SYN3: variants seen among roughly 807,000 people sequenced by gnomAD.
The protein encoded by SYN3 is synapsin III.
SYN3 carries 35 observed loss-of-function variants against 65.8 expected under a neutral mutation model. The ratio of observed to expected loss-of-function variants is 0.53; its 90% CI spans 0.41 to 0.70. The LOEUF (loss-of-function observed/expected upper bound fraction) is 0.70. SYN3 is among the 30% of genes least tolerant of loss of function. The pLI is 0.00. For synonymous variants in SYN3, 270 were observed against 292.9 expected (o/e 0.92, Z 0.80); for missense variants, 680 against 749.0 (o/e 0.91, Z 1.08).
At chr22:32,914,540 C>A (rs2050139747) in intron 4 of SYN3, among the ~76,000 whole-genome samples, 1 of 151,800 alleles carries the variant, frequency 6.6e-6, no homozygotes, top group African/African-American at 2.4e-5. Context: ...CAGGTTCGTG[C>A]CATTCTCCTG....
At chr22:32,726,748 G>A (rs962663884) in intron 6 of SYN3, among the ~76,000 whole-genome samples, 1 of 152,174 alleles carries the variant, frequency 6.6e-6, no homozygotes, top group Non-Finnish European at 1.5e-5. Flanking sequence ...AAGGCCAGGA[G>A]GGCATTAGAG....
intron 7 of SYN3, among the ~76,000 whole-genome samples, chr22:32,561,449 G>A (rs1280975285): frequency 6.6e-6 from 1 of 152,162 alleles, no homozygotes; most frequent in Non-Finnish European, 1.5e-5. Context: ...CTGCAGAGAA[G>A]GTATTTTTGC....
At chr22:33,049,435 T>C (rs1192992653) in intron 1 of SYN3, among the ~76,000 whole-genome samples, 1 of 152,214 alleles carries the variant, frequency 6.6e-6, no homozygotes, top group African/African-American at 2.4e-5. Flanking sequence ...TAACTCCTCT[T>C]TCCTATGATA....
intron 1 of SYN3, among the ~76,000 whole-genome samples, chr22:33,008,649 C>T (rs1482279166): frequency 6.6e-6 from 1 of 152,116 alleles, no homozygotes; most frequent in East Asian, 1.9e-4. Flanking sequence ...CATGGTGGCT[C>T]ACACCTGTAA....
chr22:32,528,203 G>A (rs1231347079), intron 11 of SYN3, among the ~76,000 whole-genome samples, 198 bp from the exon 12 acceptor site: 1 of 152,166 alleles, frequency 6.6e-6, no homozygotes, highest in African/African-American at 2.4e-5. Context: ...TCAAAACAGA[G>A]GGCATTCTCT....
At chr22:32,867,828 G>A (rs139889272) in intron 5 of SYN3, among the ~76,000 whole-genome samples, 3 of 152,130 alleles carry the variant, frequency 2.0e-5, no homozygotes, top group African/African-American at 4.8e-5. Context: ...TGATACACCC[G>A]CCTCGGCCTC....
intron 5 of SYN3, among the ~76,000 whole-genome samples, chr22:32,865,295 C>T (rs1175107743): frequency 6.6e-6 from 1 of 152,214 alleles, no homozygotes; most frequent in Non-Finnish European, 1.5e-5. Flanking sequence ...GCATTTCACA[C>T]CATGTCCTTC....
intron 6 of SYN3, among the ~76,000 whole-genome samples, chr22:32,774,246 G>A (rs1442459202): frequency 6.6e-6 from 1 of 152,140 alleles, no homozygotes. Context: ...TTTGGAAATA[G>A]GGTCTTTGCA....
At chr22:32,566,142 C>T (rs981167102) in intron 7 of SYN3, among the ~76,000 whole-genome samples, 1 of 152,098 alleles carries the variant, frequency 6.6e-6, no homozygotes, top group African/African-American at 2.4e-5. Flanking sequence ...TGCACCTGGC[C>T]AGGGTATTTT....
intron 6 of SYN3, among the ~76,000 whole-genome samples, chr22:32,674,459 A>G (rs2060413559): frequency 6.6e-6 from 1 of 152,296 alleles, no homozygotes; most frequent in Admixed American, 6.5e-5. Context: ...GCTACAGGTA[A>G]TGCCTATCAG....
intron 6 of SYN3, among the ~76,000 whole-genome samples, chr22:32,762,000 A>G (rs1398919710): frequency 2.0e-5 from 3 of 152,178 alleles, no homozygotes; most frequent in Non-Finnish European, 4.4e-5. Context: ...CCTGAGTGCC[A>G]CCTGTCCTTA....
At chr22:32,569,400 AATCTATCTATCTATCT>A (rs60525962) in intron 7 of SYN3, among the ~76,000 whole-genome samples, 2,407 of 144,032 alleles carry the variant, frequency 0.017, 51 homozygotes, top group African/African-American at 0.054. Context: ...CTCCATCCAA[AATCTATCTATCTATCT>A]ATCTATCTAT....
At chr22:32,946,758 A>C (rs1464123359) in intron 3 of SYN3, among the ~76,000 whole-genome samples, 2 of 152,214 alleles carry the variant, frequency 1.3e-5, no homozygotes, top group Non-Finnish European at 2.9e-5. Flanking sequence ...TTGCTTTAGT[A>C]AATGAAGATG....
intron 3 of SYN3, among the ~76,000 whole-genome samples, chr22:32,955,730 G>C (rs1263093136): frequency 6.6e-6 from 1 of 152,090 alleles, no homozygotes; most frequent in African/African-American, 2.4e-5. Flanking sequence ...GTGTGTCTGT[G>C]AGGGTGTTTC....
chr22:32,757,884 C>G (rs564998085), intron 6 of SYN3, among the ~76,000 whole-genome samples: 40 of 152,292 alleles, frequency 2.6e-4, no homozygotes, highest in African/African-American at 9.6e-4. Flanking sequence ...AAAACCACGA[C>G]CTGCTGAGAT....
intron 6 of SYN3, among the ~76,000 whole-genome samples, chr22:32,615,292 G>C (rs1453480225): frequency 1.3e-5 from 2 of 151,972 alleles, no homozygotes; most frequent in Non-Finnish European, 2.9e-5. Flanking sequence ...AAAATTAGCT[G>C]GGCATGGTGG....
chr22:32,766,270 C>T (rs1221872250), intron 6 of SYN3, among the ~76,000 whole-genome samples: 1 of 152,166 alleles, frequency 6.6e-6, no homozygotes, highest in Non-Finnish European at 1.5e-5. Flanking sequence ...TATCTGCAGG[C>T]TTTCTTCTTC....
intron 6 of SYN3, among the ~76,000 whole-genome samples, chr22:32,743,715 A>G (rs1011113092): frequency 1.3e-5 from 2 of 152,146 alleles, no homozygotes; most frequent in African/African-American, 4.8e-5. Flanking sequence ...ATGAGCTTGA[A>G]GGCCCGCCTG....
At chr22:32,619,761 AG>A (rs1451565785) in intron 6 of SYN3, among the ~76,000 whole-genome samples, 1 of 152,146 alleles carries the variant, frequency 6.6e-6, no homozygotes, top group Non-Finnish European at 1.5e-5. Context: ...TCTTTGGCCA[AG>A]GCAGTGCAGC....
Sources: allele counts gnomAD v4.1 joint callset (sites outside exome capture counted in the v4.1 genomes callset), GRCh38; gene constraint gnomAD v4.1.1; transcripts MANE v1.5; gene names NCBI Gene and HGNC (gene_info 2026-07-23, HGNC 2026-07-21).